The following SHROOM3 variants were observed in gnomAD, a reference collection of about 807,000 sequenced individuals.
The protein encoded by SHROOM3 is shroom family member 3.
In SHROOM3, 47 loss-of-function variants were observed where a neutral mutation model predicts 138.6. The observed-to-expected ratio is 0.34, with a 90% CI of 0.27 to 0.43. The LOEUF (loss-of-function observed/expected upper bound fraction) is 0.43. SHROOM3 is among the 20% of genes least tolerant of loss of function. The probability of loss-of-function intolerance (pLI) is 1.00; values close to 1 mark genes in which losing one functional copy is unlikely to be tolerated. For synonymous variants in SHROOM3, 1,062 were observed against 1,063.3 expected, an observed-to-expected ratio of 1.00 and a Z score of 0.02; for missense variants, 2,491 against 2,596.5, an observed-to-expected ratio of 0.96 and a Z score of 0.88.
chr4:76,552,785 A>G (rs1042215845), intron 1 of SHROOM3, among the ~76,000 whole-genome samples: 3 of 151,912 alleles, frequency 2.0e-5, no homozygotes, highest in Non-Finnish European at 4.4e-5. Flanking sequence ...AATTCTGGAG[A>G]GTAATTACTA....
At chr4:76,665,900 C>G (rs1718680393) in intron 2 of SHROOM3, among the ~76,000 whole-genome samples, 1 of 152,172 alleles carries the variant, frequency 6.6e-6, no homozygotes, top group East Asian at 1.9e-4. Flanking sequence ...CACGCCATAC[C>G]TTCATTCCCT....
Position 76,749,077 on chromosome 4 carries a change from G to A in SHROOM3, c.3814G>A (p.Gly1272Ser), listed in dbSNP as rs1553948248. The A allele has an allele frequency of 4.3e-6, 7 of 1,613,924 alleles. No homozygotes were observed. Among genetic ancestry groups the A allele is most frequent in the Non-Finnish European group, 5.9e-6 (7 of 1,179,892 alleles). The change falls in exon 6 of 11, where the codon GGT becomes AGT. Residue 1272 changes from glycine to serine, a missense_variant. Transcript: ENST00000296043. ...GLVKDPCYLA[G>S]PGSRSLSCSE... ...TGTGAAGGATCCATGTTATTTGGCT[G>A]GTCCTGGATCTAGGTATGTACATGT...
At chr4:76,452,405 T>C (rs1395149847) in intron 1 of SHROOM3, among the ~76,000 whole-genome samples, 1 of 152,228 alleles carries the variant, frequency 6.6e-6, no homozygotes, top group Admixed American at 6.5e-5. Context: ...CCCTAGCCCT[T>C]AGCCCCTGGC....
At chr4:76,520,197 C>T (rs149526093) in intron 1 of SHROOM3, among the ~76,000 whole-genome samples, 1 of 152,166 alleles carries the variant, frequency 6.6e-6, no homozygotes, top group African/African-American at 2.4e-5. Flanking sequence ...ATAATTTATA[C>T]TCTTTGATAT....
chr4:76,591,019 A>C (rs1316675156), intron 2 of SHROOM3, among the ~76,000 whole-genome samples: 1 of 152,154 alleles, frequency 6.6e-6, no homozygotes, highest in East Asian at 1.9e-4. Context: ...ACCTCAGAAA[A>C]ATAGGTAGGG....
intron 6 of SHROOM3, among the ~76,000 whole-genome samples, chr4:76,750,146 T>C (rs79656700): frequency 0.016 from 2,460 of 152,230 alleles, 55 homozygotes; most frequent in African/African-American, 0.056. Context: ...ATAGCTGTGT[T>C]GACAAGGAAG....
intron 2 of SHROOM3, among the ~76,000 whole-genome samples, chr4:76,583,020 C>T (rs1374556511): frequency 6.6e-6 from 1 of 152,218 alleles, no homozygotes; most frequent in Non-Finnish European, 1.5e-5. Context: ...TTTGTGAGAG[C>T]ATTCCACATG....
At chr4:76,526,924 T>C (rs906269884) in intron 1 of SHROOM3, among the ~76,000 whole-genome samples, 1 of 152,220 alleles carries the variant, frequency 6.6e-6, no homozygotes, top group African/African-American at 2.4e-5. Flanking sequence ...TGGAATGGAT[T>C]GTTCTCACGG....
intron 2 of SHROOM3, among the ~76,000 whole-genome samples, chr4:76,702,706 A>G (rs1366608735): frequency 6.6e-6 from 1 of 152,144 alleles, no homozygotes; most frequent in Non-Finnish European, 1.5e-5. Context: ...CACCGCTTCC[A>G]TGAAGATATC....
intron 1 of SHROOM3, among the ~76,000 whole-genome samples, chr4:76,496,020 A>C (rs1731961512): frequency 6.6e-6 from 1 of 152,250 alleles, no homozygotes; most frequent in African/African-American, 2.4e-5. Context: ...AGCTGTTCAT[A>C]CAATGGAAGA....
intron 2 of SHROOM3, among the ~76,000 whole-genome samples, chr4:76,625,953 A>G (rs761980517): frequency 9.2e-5 from 14 of 152,216 alleles, no homozygotes; most frequent in African/African-American, 2.2e-4. Context: ...TGAAGGCTCA[A>G]TTGAGTCTAG....
chr4:76,749,207 G>T, intron 6 of SHROOM3, 117 bp downstream of exon 6: 4 of 1,017,622 alleles, frequency 3.9e-6, no homozygotes, highest in East Asian at 2.4e-5. Context: ...ATGCTTTTTT[G>T]ATTTGTCTAG....
At chr4:76,728,277 G>C (rs1466546471) in intron 3 of SHROOM3, among the ~76,000 whole-genome samples, 1 of 152,204 alleles carries the variant, frequency 6.6e-6, no homozygotes, top group Non-Finnish European at 1.5e-5. Context: ...CACGTGTTGT[G>C]GGAGGGACCC....
intron 1 of SHROOM3, among the ~76,000 whole-genome samples, chr4:76,538,141 T>G (rs747437032): frequency 7.2e-5 from 11 of 152,302 alleles, no homozygotes; most frequent in Non-Finnish European, 1.3e-4. Flanking sequence ...TCAGGTGATC[T>G]GCCCGCCTGA....
At chr4:76,658,194 G>C (rs115049627) in intron 2 of SHROOM3, among the ~76,000 whole-genome samples, 2 of 152,216 alleles carry the variant, frequency 1.3e-5, no homozygotes, top group Non-Finnish European at 2.9e-5. Context: ...ATGTGAAGCT[G>C]AACACCAAAT....
intron 1 of SHROOM3, among the ~76,000 whole-genome samples, chr4:76,460,508 G>A (rs1210696136): frequency 2.6e-5 from 4 of 151,992 alleles, no homozygotes; most frequent in African/African-American, 7.2e-5. Flanking sequence ...CCGCAGACTG[G>A]GTAGCTTAAA....
chr4:76,533,811 T>C (rs1414077429), intron 1 of SHROOM3, among the ~76,000 whole-genome samples: 1 of 152,096 alleles, frequency 6.6e-6, no homozygotes, highest in Non-Finnish European at 1.5e-5. Context: ...ATTAATGAAA[T>C]AGAAATTGAG....
At position 76,530,728 on chromosome 4, in the gene SHROOM3, T is replaced by G. The variant is rs1732812465; in HGVS notation, c.169-24881T>G. Among the ~76,000 whole-genome samples the G allele has an allele frequency of 5.9e-5, 9 of 152,308 alleles. No individual in the cohort carries two copies. The South Asian group carries it at 1.9e-3, about 32-fold the overall frequency. On this transcript the variant is annotated intron_variant, in intron 1 of 10. Coordinates refer to ENST00000296043, the MANE Select transcript of SHROOM3 (RefSeq NM_020859.4). ...GATCACATGAGATCTTTAATTCCCG[T>G]GCCTGTACAAGCTTCCATAAATGGA...
intron 1 of SHROOM3, among the ~76,000 whole-genome samples, chr4:76,495,116 A>G (rs1392104644): frequency 6.6e-6 from 1 of 152,264 alleles, no homozygotes; most frequent in East Asian, 1.9e-4. Flanking sequence ...ACACTGGGTT[A>G]GGAGCCTGCT....
Sources: allele counts gnomAD v4.1 joint callset (sites outside exome capture counted in the v4.1 genomes callset), GRCh38; gene constraint gnomAD v4.1.1; transcripts MANE v1.5; gene names NCBI Gene and HGNC (gene_info 2026-07-23, HGNC 2026-07-21).